The following PPFIA1 variants were observed in gnomAD, a reference collection of about 807,000 sequenced individuals.
PPFIA1 encodes liprin-alpha-1.
PPFIA1 carries 25 observed loss-of-function variants against 149.9 expected under a neutral mutation model. The observed-to-expected ratio is 0.17, with a 90% confidence interval of 0.12 to 0.23. The LOEUF (loss-of-function observed/expected upper bound fraction) is 0.23, where lower values mean the gene tolerates loss of function less well. Ranked by LOEUF, PPFIA1 falls within the 10% of genes least tolerant of loss-of-function variation. The pLI is 1.00. For synonymous variants in PPFIA1, 549 were observed against 552.8 expected, an observed-to-expected ratio of 0.99 and a Z score of 0.10; for missense variants, 1,362 against 1,506.5, an observed-to-expected ratio of 0.90 and a Z score of 1.59.
At position 70,354,386 on chromosome 11, in the gene PPFIA1, G is replaced by A. The variant is rs142586381; in HGVS notation, c.2249G>A (p.Arg750Gln). 272 of 1,614,018 alleles carry A rather than the reference G, an allele frequency of 1.7e-4. No homozygotes were observed. Among genetic ancestry groups the A allele is most frequent in the Admixed American group, 2.2e-4 (13 of 60,014 alleles). The change falls in exon 17 of 28, where the codon CGG becomes CAG. Residue 750 changes from arginine (R) to glutamine (Q), a missense_variant. Arg to Gln is a conservative substitution (Grantham distance 43). Transcript: ENST00000253925. ...TSPPSSPRALRLDRLHKGALH... is the reference protein window; with the variant it reads ...TSPPSSPRALQLDRLHKGALH... ...CCGCCTTCCTCCCCGAGAGCCCTTC[G>A]GTTAGACCGGCTGCACAAAGGGGCG...
intron 8 of PPFIA1, 126 bp downstream of exon 8, chr11:70,330,445 A>G (rs1283492360): frequency 2.5e-6 from 2 of 807,248 alleles, no homozygotes; most frequent in Non-Finnish European, 3.6e-6. Flanking sequence ...TTAGAATATT[A>G]TGTTCAAGAC....
intron 2 of PPFIA1, among the ~76,000 whole-genome samples, chr11:70,293,159 G>A (rs1025960335): frequency 1.3e-5 from 2 of 152,186 alleles, no homozygotes; most frequent in African/African-American, 2.4e-5. Context: ...TTTCCTAAAC[G>A]GGATCTTTTA....
intron 17 of PPFIA1, among the ~76,000 whole-genome samples, chr11:70,354,902 A>G (rs566637136): frequency 2.0e-5 from 3 of 151,970 alleles, no homozygotes; most frequent in South Asian, 2.1e-4. Context: ...CAGGAAACCA[A>G]TCAGCTGTTT....
intron 14 of PPFIA1, among the ~76,000 whole-genome samples, chr11:70,342,590 A>T (rs1478979724): frequency 6.6e-6 from 1 of 151,994 alleles, no homozygotes; most frequent in Admixed American, 6.6e-5. Context: ...TCCTCGTTCG[A>T]GCTTGGTAGT....
chr11:70,384,166 TG>T lies in PPFIA1; in HGVS notation c.*1178del, dbSNP rs2057801757. The T allele has an allele frequency of 6.6e-6, 1 of 152,154 alleles. No individual in the cohort carries two copies. The highest frequency in any genetic ancestry group is 1.9e-4 in the East Asian group (1 of 5,194). 9.4% of individuals were successfully genotyped at this position (152,154 alleles called of 1,614,324 possible). ...CAGCAAAGTGTGTCAGACCATGGCG[TG>T]GTATTTATTGTGCAGCAGATCCAGA... On this transcript the variant is annotated 3_prime_UTR_variant, in exon 28 of 28. Transcript: ENST00000253925.
chr11:70,355,667 A>G lies in PPFIA1; in HGVS notation c.2344A>G (p.Ser782Gly). The G allele has an allele frequency of 6.2e-7, 1 of 1,612,086 alleles. No individual in the cohort carries two copies. Among genetic ancestry groups the G allele is most frequent in the South Asian group, 1.1e-5 (1 of 90,884 alleles). The change falls in exon 18 of 28, where the codon AGC becomes GGC. Residue 782 changes from serine to glycine, a missense_variant. By Grantham distance (56) the Ser-to-Gly change is moderately conservative. Around this residue, in one of 7 missense-constraint regions of PPFIA1, gnomAD observed 733 missense variants for 744.1 expected, o/e 0.99. Transcript: ENST00000253925. The part of the protein sequence containing the change: ...NSTGSQDGPV[S>G]NPSSSNSSQD... Reference sequence around the variant, plus strand: ...CACAGGCTCCCAGGATGGTCCCGTGAGCAACCCCAGCAGTAGCAACAGTAG... The same window carrying G: ...CACAGGCTCCCAGGATGGTCCCGTGGGCAACCCCAGCAGTAGCAACAGTAG...
intron 2 of PPFIA1, among the ~76,000 whole-genome samples, chr11:70,274,560 T>C (rs768121488): frequency 6.6e-6 from 1 of 152,240 alleles, no homozygotes; most frequent in Non-Finnish European, 1.5e-5. Context: ...GTCAGCATCA[T>C]GTTTGTGAGA....
chr11:70,296,508 C>T (rs1013963094), intron 2 of PPFIA1, among the ~76,000 whole-genome samples: 2 of 152,120 alleles, frequency 1.3e-5, no homozygotes, highest in East Asian at 1.9e-4. Context: ...AGCGAAACCC[C>T]GTCTCCACCA....
intron 3 of PPFIA1, 142 bp from the exon 4 acceptor site, chr11:70,324,705 A>G: frequency 3.2e-6 from 3 of 940,700 alleles, no homozygotes; most frequent in East Asian, 4.9e-5. Context: ...ATATTTTAAT[A>G]CAATTGAGAG....
At chr11:70,291,360 T>C (rs1237216606) in intron 2 of PPFIA1, among the ~76,000 whole-genome samples, 3 of 152,244 alleles carry the variant, frequency 2.0e-5, no homozygotes, top group Non-Finnish European at 4.4e-5. Context: ...ATTTGAATAG[T>C]GTGACGTGGT....
At chr11:70,350,532 C>A (rs2055993259) in intron 16 of PPFIA1, among the ~76,000 whole-genome samples, 1 of 152,126 alleles carries the variant, frequency 6.6e-6, no homozygotes, top group African/African-American at 2.4e-5. Flanking sequence ...AGTGGTAAAT[C>A]AAATTCTAGG....
At chr11:70,370,937 AGTCTGCCCAACATGTTGAAACCCC>A (rs1311663128) in intron 21 of PPFIA1, among the ~76,000 whole-genome samples, 1 of 152,170 alleles carries the variant, frequency 6.6e-6, no homozygotes, top group Non-Finnish European at 1.5e-5. Context: ...GTTTGAGACC[AGTCTGCCCAACATGTTGAAACCCC>A]GTCTGTACTA....
Position 70,383,380 on chromosome 11 carries a change from G to T in PPFIA1, c.*390G>T, listed in dbSNP as rs7936499. The T allele has an allele frequency of 0.035, 6,205 of 176,722 alleles. 464 individuals carry two copies. The highest frequency in any genetic ancestry group is 0.14 in the African/African-American group (5,941 of 41,556). The allele number at this position is 176,722 out of a possible 1,614,324, so 10.9% of individuals were successfully genotyped here. On this transcript the variant is annotated 3_prime_UTR_variant, in exon 28 of 28. Coordinates refer to ENST00000253925, the MANE Select transcript of PPFIA1 (RefSeq NM_003626.5). ...GGCTTTTGTAAATTATGCATTTATTGTAATTATCATTAATTTTTTAATGAT... is the reference window on the plus strand; with the variant it reads ...GGCTTTTGTAAATTATGCATTTATTTTAATTATCATTAATTTTTTAATGAT...
intron 2 of PPFIA1, among the ~76,000 whole-genome samples, chr11:70,293,942 C>CTTTT (rs35307008): frequency 2.3e-5 from 3 of 128,130 alleles, no homozygotes; most frequent in African/African-American, 3.0e-5. Context: ...CTCTCTCTCT[C>CTTTT]TTTTTTTTTT....
At chr11:70,368,164 G>A (rs1055768391) in intron 21 of PPFIA1, among the ~76,000 whole-genome samples, 3 of 152,080 alleles carry the variant, frequency 2.0e-5, no homozygotes, top group African/African-American at 7.2e-5. Flanking sequence ...TATCAGGCCT[G>A]TAAGGGTAAG....
At position 70,290,266 on chromosome 11, in the gene PPFIA1, C is replaced by T. The variant is rs2051439581; in HGVS notation, c.264+17830C>T. On this transcript the variant is annotated intron_variant, in intron 2 of 27. Coordinates refer to ENST00000253925, the MANE Select transcript of PPFIA1 (RefSeq NM_003626.5). Reference sequence around the variant, plus strand: ...TTTATTATTTTTCAAACACACAAAACATTTACATGGTTCAAAAGACCAGAA... The same window carrying T: ...TTTATTATTTTTCAAACACACAAAATATTTACATGGTTCAAAAGACCAGAA... Among the ~76,000 whole-genome samples the T allele has an allele frequency of 2.6e-5, 4 of 152,130 alleles. No individual in the cohort carries two copies. In the South Asian group the frequency reaches 8.3e-4, roughly 32 times the overall value.
intron 21 of PPFIA1, among the ~76,000 whole-genome samples, chr11:70,366,324 G>A (rs1242781263): frequency 6.6e-6 from 1 of 152,166 alleles, no homozygotes; most frequent in Non-Finnish European, 1.5e-5. Flanking sequence ...TACTGATAGG[G>A]AAATTGTGCT....
chr11:70,297,461 G>A (rs1195895527), intron 2 of PPFIA1, among the ~76,000 whole-genome samples: 2 of 152,058 alleles, frequency 1.3e-5, no homozygotes, highest in East Asian at 3.9e-4. Flanking sequence ...GGAAACATAT[G>A]GTGTCCACAG....
intron 2 of PPFIA1, among the ~76,000 whole-genome samples, chr11:70,274,680 T>C (rs1301618125): frequency 1.3e-5 from 2 of 152,170 alleles, no homozygotes; most frequent in African/African-American, 4.8e-5. Flanking sequence ...TTTTTACACG[T>C]GCTCCCCTAA....
Sources: gnomAD v4.1 joint callset for allele counts (sites outside exome capture counted in the v4.1 genomes callset) on GRCh38, gnomAD v4.1.1 for gene constraint, gnomAD v4.1.1 regional missense constraint, MANE v1.5 for transcripts, NCBI Gene and HGNC (gene_info 2026-07-23, HGNC 2026-07-21) for gene names.